The following NSMAF variants were observed in gnomAD, a reference collection of about 807,000 sequenced individuals.
NSMAF encodes protein FAN.
In NSMAF, 90 loss-of-function variants were observed where a neutral mutation model predicts 134.9. That is an observed-to-expected ratio of 0.67 (90% CI 0.56 to 0.79). The LOEUF (loss-of-function observed/expected upper bound fraction) is 0.79. NSMAF is among the 30% of genes least tolerant of loss of function. The pLI is 0.00. For missense variants in NSMAF, 1,010 were observed against 1,119.0 expected (o/e 0.90, Z 1.39); for synonymous variants, 358 against 389.6 (o/e 0.92, Z 0.96).
chr8:58,589,931 G>T, intron 25 of NSMAF, 76 bp downstream of exon 25: 1 of 1,251,380 alleles, frequency 8.0e-7, no homozygotes, highest in Non-Finnish European at 1.2e-6. Context: ...GAAAGCTTCT[G>T]GCTTTTCACA....
chr8:58,597,798 A>G (rs1806173823), intron 20 of NSMAF, 62 bp downstream of exon 20: 12 of 1,176,416 alleles, frequency 1.0e-5, no homozygotes, highest in Non-Finnish European at 1.5e-5. Context: ...AAATACATTA[A>G]TAATTTAGAT....
At chr8:58,643,613 C>G (rs1807382109) in intron 1 of NSMAF, among the ~76,000 whole-genome samples, 1 of 151,634 alleles carries the variant, frequency 6.6e-6, no homozygotes, top group Non-Finnish European at 1.5e-5. Flanking sequence ...GCTCAAGTAA[C>G]CTCCACCTCC....
At chr8:58,622,299 T>C (rs560381990) in intron 9 of NSMAF, among the ~76,000 whole-genome samples, 1 of 152,230 alleles carries the variant, frequency 6.6e-6, no homozygotes, top group Admixed American at 6.5e-5. Flanking sequence ...AGAGGCATAA[T>C]CATGGCTCAC....
At chr8:58,594,111 C>G (rs1050073990) in intron 23 of NSMAF, 121 bp downstream of exon 23, 6 of 779,534 alleles carry the variant, frequency 7.7e-6, no homozygotes, top group Non-Finnish European at 1.3e-5. Flanking sequence ...AGGAACTGCT[C>G]TAAGTTTACT....
Position 58,635,454 on chromosome 8 carries a change from T to C in NSMAF, c.228+14A>G. ...AAATAGGAATGTTTCTGTTCATATTTAAAATGTATTTACCTTGATGATGGG... is the reference window on the plus strand; with the variant it reads ...AAATAGGAATGTTTCTGTTCATATTCAAAATGTATTTACCTTGATGATGGG... On this transcript the variant is annotated intron_variant, in intron 3 of 30. Coordinates refer to ENST00000038176, the MANE Select transcript of NSMAF (RefSeq NM_003580.4). 2 of 1,584,112 alleles carry C rather than the reference T, an allele frequency of 1.3e-6. No individual in the cohort carries two copies. The highest frequency in any genetic ancestry group is 1.7e-6 in the Non-Finnish European group (2 of 1,163,850).
At chr8:58,617,194 A>G (rs1008911197) in intron 9 of NSMAF, among the ~76,000 whole-genome samples, 1 of 152,210 alleles carries the variant, frequency 6.6e-6, no homozygotes, top group African/African-American at 2.4e-5. Context: ...TTAGACCTAA[A>G]ACCATAAAAA....
In NSMAF at chr8:58,599,967, T is replaced by A. The variant is rs753538114; in HGVS notation, c.1332+3A>T. 1 of 1,613,902 alleles carries A rather than the reference T, an allele frequency of 6.2e-7. No homozygotes were observed. Among genetic ancestry groups the A allele is most frequent in the East Asian group, 2.2e-5 (1 of 44,886 alleles). On this transcript the variant is annotated splice_donor_region_variant and intron_variant, in intron 17 of 30. Transcript: ENST00000038176. ...TTACTCATCAGCTTTATTAACTGCT[T>A]ACCTCTTTAAAATCCGTTGCACCAT...
chr8:58,627,394 A>C (rs1303556323), intron 6 of NSMAF, among the ~76,000 whole-genome samples: 2 of 152,210 alleles, frequency 1.3e-5, no homozygotes, highest in Non-Finnish European at 2.9e-5. Flanking sequence ...AAGGGCATCC[A>C]AATTGGAAAA....
chr8:58,645,696 T>C lies in NSMAF; in HGVS notation c.60-2623A>G, dbSNP rs185716756. Among the ~76,000 whole-genome samples, 7 of 152,014 alleles carry C rather than the reference T, an allele frequency of 4.6e-5. No individual in the cohort carries two copies. In the East Asian group the frequency reaches 1.4e-3, roughly 29 times the overall value. On this transcript the variant is annotated intron_variant, in intron 1 of 30. Transcript: ENST00000038176. ...AAAGGTCAAAAGGCTACAATTAATA[T>C]CCCTACAAAGAAGAAGTTATATTCA...
At chr8:58,589,647 A>G in intron 25 of NSMAF, 72 bp from the exon 26 acceptor site, 1 of 1,416,868 alleles carries the variant, frequency 7.1e-7, no homozygotes, top group South Asian at 1.4e-5. Flanking sequence ...ATATTAAAGA[A>G]ACATTATGTT....
At chr8:58,587,975 AG>A (rs1476573985) in intron 26 of NSMAF, among the ~76,000 whole-genome samples, 1 of 152,216 alleles carries the variant, frequency 6.6e-6, no homozygotes, top group Non-Finnish European at 1.5e-5. Flanking sequence ...AGGAAATATG[AG>A]TGTAGAAGTA....
At chr8:58,634,870 G>A (rs1177511419) in intron 5 of NSMAF, among the ~76,000 whole-genome samples, 1 of 152,138 alleles carries the variant, frequency 6.6e-6, no homozygotes, top group African/African-American at 2.4e-5. Flanking sequence ...TAAGTGGCAT[G>A]GCAATGGACT....
chr8:58,653,228 C>A (rs543849478), intron 1 of NSMAF, among the ~76,000 whole-genome samples: 3 of 152,174 alleles, frequency 2.0e-5, no homozygotes, highest in East Asian at 3.9e-4. Context: ...AACTTCCATA[C>A]TCTTTGGGGA....
Position 58,599,737 on chromosome 8 carries a change from A to AG in NSMAF, c.1453+12dup. On this transcript the variant is annotated intron_variant, in intron 18 of 30. Coordinates refer to ENST00000038176, the MANE Select transcript of NSMAF (RefSeq NM_003580.4). The stretch of plus-strand genomic sequence containing the variant: ...GCATGTCTATAATACAACACCTCCA[A>AG]GGGGGGACTCACTGGAAGCCCAAGG... The AG allele has an allele frequency of 1.2e-6, 2 of 1,612,738 alleles. No individual in the cohort carries two copies. Among genetic ancestry groups the AG allele is most frequent in the South Asian group, 1.1e-5 (1 of 90,824 alleles).
intron 2 of NSMAF, among the ~76,000 whole-genome samples, chr8:58,638,218 T>C (rs979570522): frequency 6.6e-6 from 1 of 152,144 alleles, no homozygotes; most frequent in Non-Finnish European, 1.5e-5. Flanking sequence ...AGCTAATTTT[T>C]AGTTTTTTTA....
intron 26 of NSMAF, chr8:58,588,682 C>T: frequency 6.5e-6 from 10 of 1,541,368 alleles, no homozygotes; most frequent in East Asian, 2.2e-5. Context: ...GGGCATGCAT[C>T]GGGCACAGTT....
chr8:58,600,350 C>A (rs544439021), intron 16 of NSMAF, among the ~76,000 whole-genome samples: 28 of 152,072 alleles, frequency 1.8e-4, no homozygotes, highest in Admixed American at 1.8e-3. Context: ...ACTGGTAGGG[C>A]GCGGTGGCTC....
intron 1 of NSMAF, chr8:58,659,181 G>A (rs2129149544): frequency 1.4e-6 from 2 of 1,416,894 alleles, no homozygotes; most frequent in African/African-American, 1.5e-5. Flanking sequence ...GTGCCCGCCG[G>A]GCAGCGTACT....
In NSMAF at chr8:58,594,267, G is replaced by C; in HGVS notation, c.1916C>G (p.Ser639Cys). 1 of 1,614,208 alleles carries C rather than the reference G, an allele frequency of 6.2e-7. No homozygotes were observed. Among genetic ancestry groups the C allele is most frequent in the Non-Finnish European group, 8.5e-7 (1 of 1,180,000 alleles). Residue 639 changes from serine to cysteine, a missense_variant, in exon 23 of 31, where the codon TCT (serine) becomes TGT (cysteine). Coordinates refer to ENST00000038176, the MANE Select transcript of NSMAF (RefSeq NM_003580.4). ...HKEAVTGITVSRNGSSVFTTS... is the reference protein window; with the variant it reads ...HKEAVTGITVCRNGSSVFTTS... ...TGTGAATACTGAAGATCCATTGCGA[G>C]AGACCGTGATTCCAGTAACTGCTCT...
Sources: gnomAD v4.1 joint callset for allele counts (sites outside exome capture counted in the v4.1 genomes callset) on GRCh38, gnomAD v4.1.1 for gene constraint, MANE v1.5 for transcripts, NCBI Gene and HGNC (gene_info 2026-07-23, HGNC 2026-07-21) for gene names.